Variants in NOL10 observed in about 807,000 individuals in gnomAD.
NOL10 encodes H_NH0074G24.1.
NOL10 carries 58 observed loss-of-function variants against 103.5 expected under a neutral mutation model. The ratio of observed to expected loss-of-function variants is 0.56; its 90% CI spans 0.45 to 0.70. NOL10 has a LOEUF of 0.70. Ranked by LOEUF, NOL10 falls within the 30% of genes least tolerant of loss-of-function variation. NOL10 has a pLI of 0.00. For synonymous variants in NOL10, 287 were observed against 282.5 expected, an observed-to-expected ratio of 1.02 and a Z score of -0.16; for missense variants, 763 against 807.3, an observed-to-expected ratio of 0.95 and a Z score of 0.67.
chr2:10,614,261 G>T (rs6725354), intron 13 of NOL10, among the ~76,000 whole-genome samples: 1 of 151,906 alleles, frequency 6.6e-6, no homozygotes, highest in African/African-American at 2.4e-5. Context: ...TGCCCAGCCC[G>T]CTATTAGAAT....
intron 13 of NOL10, among the ~76,000 whole-genome samples, chr2:10,624,278 A>G (rs1331028919): frequency 6.6e-6 from 1 of 152,024 alleles, no homozygotes; most frequent in African/African-American, 2.4e-5. Flanking sequence ...CAGATAAACA[A>G]GTGAACAAAG....
chr2:10,684,848 T>G (rs1018195781), intron 1 of NOL10, among the ~76,000 whole-genome samples: 3 of 152,226 alleles, frequency 2.0e-5, no homozygotes, highest in Admixed American at 2.0e-4. Context: ...TTTACTTTTT[T>G]AGAGACAGGG....
At chr2:10,581,202 G>A (rs1295767887) in intron 19 of NOL10, among the ~76,000 whole-genome samples, 1 of 152,224 alleles carries the variant, frequency 6.6e-6, no homozygotes, top group Non-Finnish European at 1.5e-5. Flanking sequence ...CGTTGCTGGA[G>A]TGTGGGGAAA....
rs12616863 is a variant in NOL10, at chr2:10,571,131, T to C, written c.*940A>G. 8.9e-3 allele frequency: 1,359 copies of C among 152,340 alleles called. 8 individuals are homozygous for C. Among genetic ancestry groups the C allele is most frequent in the Non-Finnish European group, 0.014 (965 of 68,026 alleles). 9.4% of individuals were successfully genotyped at this position (152,340 alleles called of 1,614,324 possible). ...GTCCCCACACAAATCTCATGTCAAA[T>C]TGTAATCTTCGGTGTTGGAGGAGGG... On this transcript the variant is annotated 3_prime_UTR_variant, in exon 21 of 21. Transcript: ENST00000381685.
At chr2:10,583,421 G>A (rs777024919) in intron 19 of NOL10, among the ~76,000 whole-genome samples, 6 of 152,014 alleles carry the variant, frequency 3.9e-5, no homozygotes, top group East Asian at 1.9e-4. Flanking sequence ...CACAATAAAC[G>A]CTGGTATCTC....
intron 20 of NOL10, among the ~76,000 whole-genome samples, chr2:10,576,985 T>A (rs1159851341): frequency 3.3e-5 from 5 of 152,250 alleles, no homozygotes; most frequent in Middle Eastern, 3.4e-3. Context: ...TGACTTTGAA[T>A]GAGAAAAAAA....
intron 19 of NOL10, among the ~76,000 whole-genome samples, chr2:10,583,570 A>G (rs1002810277): frequency 4.6e-5 from 7 of 152,102 alleles, no homozygotes; most frequent in East Asian, 1.9e-4. Flanking sequence ...CCTTAAACCT[A>G]TTTTGCATTC....
At chr2:10,644,635 C>T (rs1248756723) in intron 12 of NOL10, among the ~76,000 whole-genome samples, 3 of 152,078 alleles carry the variant, frequency 2.0e-5, no homozygotes, top group African/African-American at 7.2e-5. Flanking sequence ...ATTTTGTTAT[C>T]ATCTACACCA....
chr2:10,643,981 G>C (rs1315007026), intron 13 of NOL10, among the ~76,000 whole-genome samples: 1 of 152,172 alleles, frequency 6.6e-6, no homozygotes, highest in Admixed American at 6.5e-5. Context: ...CGGGAGTGGT[G>C]GCTCACACCT....
At position 10,571,309 on chromosome 2, in the gene NOL10, G is replaced by C. The variant is rs571883557; in HGVS notation, c.*762C>G. 6.6e-6 allele frequency: 1 copy of C among 152,638 alleles called. No homozygotes were observed. Among genetic ancestry groups the C allele is most frequent in the South Asian group, 2.1e-4 (1 of 4,826 alleles). 9.5% of individuals were successfully genotyped at this position (152,638 alleles called of 1,614,324 possible). A position where few individuals can be genotyped will look rare whatever the true frequency, so the allele number is the denominator to read the frequency against. On this transcript the variant is annotated 3_prime_UTR_variant, in exon 21 of 21. Transcript: ENST00000381685. ...AGCCACGCAGGACATACCTGCTTCC[G>C]CTTCACCTTCTGCCACGATTGTAAG...
Position 10,571,909 on chromosome 2 carries a change from T to C in NOL10, c.*162A>G, listed in dbSNP as rs1443380603. ...GCCGTCGGCGGGGCCAGCTTCAAAGTCCAACCCACAAGGCACAGGTTTTCA... is the reference window on the plus strand; with the variant it reads ...GCCGTCGGCGGGGCCAGCTTCAAAGCCCAACCCACAAGGCACAGGTTTTCA... On this transcript the variant is annotated 3_prime_UTR_variant, in exon 21 of 21. Transcript: ENST00000381685. 2.4e-6 allele frequency: 2 copies of C among 836,908 alleles called. No homozygotes were observed. Among genetic ancestry groups the C allele is most frequent in the Non-Finnish European group, 3.6e-6 (2 of 556,504 alleles). The allele number at this position is 836,908 out of a possible 1,614,324, so 51.8% of individuals were successfully genotyped here. A position where few individuals can be genotyped will look rare whatever the true frequency, so the allele number is the denominator to read the frequency against.
Position 10,570,791 on chromosome 2 carries a change from A to G in NOL10, c.*1280T>C, listed in dbSNP as rs923525927. 1 of 152,040 alleles carries G rather than the reference A, an allele frequency of 6.6e-6. No individual in the cohort carries two copies. Among genetic ancestry groups the G allele is most frequent in the African/African-American group, 2.4e-5 (1 of 41,412 alleles). The allele number at this position is 152,040 out of a possible 1,614,324, so 9.4% of individuals were successfully genotyped here. On this transcript the variant is annotated 3_prime_UTR_variant, in exon 21 of 21. Coordinates refer to ENST00000381685, the MANE Select transcript of NOL10 (RefSeq NM_024894.4). ...TTCAAATGAAAGTATATTTATTTTT[A>G]TAAATGTTTCCTCCAGTAAGTTTAT...
chr2:10,618,071 C>T (rs1676929157), intron 13 of NOL10, among the ~76,000 whole-genome samples: 1 of 149,658 alleles, frequency 6.7e-6, no homozygotes, highest in Non-Finnish European at 1.5e-5. Flanking sequence ...GAGATGGGGT[C>T]TCACTATGTT....
At chr2:10,618,611 T>C (rs1370984596) in intron 13 of NOL10, among the ~76,000 whole-genome samples, 3 of 152,188 alleles carry the variant, frequency 2.0e-5, no homozygotes, top group Non-Finnish European at 2.9e-5. Context: ...ATTTTGGGTA[T>C]AAAATGAGGT....
At chr2:10,594,543 C>T (rs903458798) in intron 17 of NOL10, among the ~76,000 whole-genome samples, 3 of 152,140 alleles carry the variant, frequency 2.0e-5, no homozygotes, top group African/African-American at 7.2e-5. Context: ...TATCTAAACA[C>T]CTCAAAATAA....
intron 9 of NOL10, among the ~76,000 whole-genome samples, chr2:10,660,868 G>C (rs149274581): frequency 6.7e-6 from 1 of 149,834 alleles, no homozygotes; most frequent in Non-Finnish European, 1.5e-5. Flanking sequence ...TTGCCTTCTC[G>C]TATTGGTTCC....
chr2:10,642,125 G>A (rs764863048), intron 13 of NOL10, among the ~76,000 whole-genome samples: 1 of 152,212 alleles, frequency 6.6e-6, no homozygotes, highest in Non-Finnish European at 1.5e-5. Flanking sequence ...TCCTGACAAT[G>A]TTCCCCAAAG....
intron 13 of NOL10, among the ~76,000 whole-genome samples, chr2:10,636,442 A>AC (rs1443313555): frequency 9.3e-5 from 14 of 149,868 alleles, no homozygotes; most frequent in African/African-American, 3.4e-4. Context: ...AAAAAAAAAA[A>AC]AAAACACCAA....
intron 8 of NOL10, among the ~76,000 whole-genome samples, chr2:10,663,636 G>A (rs1680364295): frequency 6.6e-6 from 1 of 151,810 alleles, no homozygotes; most frequent in Non-Finnish European, 1.5e-5. Context: ...TAAAAAGCTG[G>A]GGAAAATTTT....
Sources: allele counts gnomAD v4.1 joint callset (sites outside exome capture counted in the v4.1 genomes callset), GRCh38; gene constraint gnomAD v4.1.1; transcripts MANE v1.5; gene names NCBI Gene and HGNC (gene_info 2026-07-23, HGNC 2026-07-21).